The following MARCHF1 variants were observed in gnomAD, a reference collection of about 807,000 sequenced individuals.
MARCHF1 encodes E3 ubiquitin-protein ligase MARCHF1.
Under a neutral mutation model 54.2 loss-of-function variants are expected in MARCHF1, and 40 were observed. That is an observed-to-expected ratio of 0.74 (90% confidence interval 0.57 to 0.96). The LOEUF is 0.96. Ranked by LOEUF, MARCHF1 falls within the 40% of genes least tolerant of loss-of-function variation. The probability of loss-of-function intolerance (pLI) is 0.00; values close to 1 mark genes in which losing one functional copy is unlikely to be tolerated. For missense variants in MARCHF1, 586 were observed against 656.5 expected, an observed-to-expected ratio of 0.89 and a Z score of 1.17; for synonymous variants, 236 against 236.3, an observed-to-expected ratio of 1.00 and a Z score of 0.01.
intron 5 of MARCHF1, among the ~76,000 whole-genome samples, chr4:163,637,989 A>G (rs907067419): frequency 2.7e-5 from 4 of 150,556 alleles, no homozygotes; most frequent in African/African-American, 9.8e-5. Context: ...AACTATCGCA[A>G]GAACAAAAAA....
intron 1 of MARCHF1, among the ~76,000 whole-genome samples, chr4:164,113,117 C>T (rs1001445307): frequency 6.6e-6 from 1 of 151,802 alleles, no homozygotes; most frequent in Non-Finnish European, 1.5e-5. Context: ...TAACTTGGAA[C>T]ATTCTCTATT....
intron 1 of MARCHF1, among the ~76,000 whole-genome samples, chr4:164,348,647 T>C (rs1045772575): frequency 2.6e-5 from 4 of 152,090 alleles, no homozygotes; most frequent in Non-Finnish European, 5.9e-5. Flanking sequence ...CATTTCTAAA[T>C]AGAAATAAAA....
intron 1 of MARCHF1, among the ~76,000 whole-genome samples, chr4:164,306,636 C>T (rs1344657471): frequency 6.6e-6 from 1 of 152,024 alleles, no homozygotes; most frequent in Non-Finnish European, 1.5e-5. Context: ...GCGAGATATT[C>T]CTTCTAAAAC....
intron 4 of MARCHF1, among the ~76,000 whole-genome samples, chr4:163,751,936 C>T (rs1334798790): frequency 6.7e-6 from 1 of 150,194 alleles, no homozygotes; most frequent in Non-Finnish European, 1.5e-5. Context: ...ACTTGCCTTA[C>T]TGGATAGCGA....
At chr4:164,179,801 C>G (rs1730785947) in intron 1 of MARCHF1, among the ~76,000 whole-genome samples, 1 of 151,250 alleles carries the variant, frequency 6.6e-6, no homozygotes, top group South Asian at 2.1e-4. Context: ...TGCATAAAAA[C>G]AATTAGATGA....
intron 1 of MARCHF1, among the ~76,000 whole-genome samples, chr4:164,191,927 A>T (rs1371451896): frequency 1.3e-5 from 2 of 152,132 alleles, no homozygotes; most frequent in Non-Finnish European, 2.9e-5. Context: ...TGACTCAGGA[A>T]TTGCTTTTGG....
chr4:163,947,424 A>T (rs1468494708), intron 3 of MARCHF1, among the ~76,000 whole-genome samples: 1 of 152,168 alleles, frequency 6.6e-6, no homozygotes, highest in Non-Finnish European at 1.5e-5. Flanking sequence ...ATGAAGTTAA[A>T]GATCTTGAGA....
At chr4:163,545,846 A>G in intron 8 of MARCHF1, 103 bp from the exon 9 acceptor site, 1 of 928,802 alleles carries the variant, frequency 1.1e-6, no homozygotes, top group African/African-American at 1.6e-5. Flanking sequence ...AAAACAGTAA[A>G]TATCTGCAAT....
At chr4:164,011,614 C>G (rs542895076) in intron 2 of MARCHF1, among the ~76,000 whole-genome samples, 1 of 152,106 alleles carries the variant, frequency 6.6e-6, no homozygotes, top group Non-Finnish European at 1.5e-5. Context: ...ATCAAAGAAA[C>G]AGTTAATAAC....
chr4:163,837,602 A>C (rs1357394875), intron 4 of MARCHF1, among the ~76,000 whole-genome samples: 2 of 152,110 alleles, frequency 1.3e-5, no homozygotes, highest in African/African-American at 4.8e-5. Flanking sequence ...TATAATGATA[A>C]AACAGTCAAT....
intron 1 of MARCHF1, among the ~76,000 whole-genome samples, chr4:164,200,499 G>T (rs1731423236): frequency 6.6e-6 from 1 of 152,010 alleles, no homozygotes; most frequent in African/African-American, 2.4e-5. Context: ...ATTTTTCAGG[G>T]TACAGTCCTA....
At chr4:164,165,362 G>GTCTCTCTCTCTCTCTCTCTCTCTC (rs55721102) in intron 1 of MARCHF1, among the ~76,000 whole-genome samples, 16 of 148,640 alleles carry the variant, frequency 1.1e-4, no homozygotes, top group African/African-American at 3.7e-4. Context: ...TTTTCTCTCT[G>GTCTCTCTCTCTCTCTCTCTCTCTC]TCTCTCTCTC....
chr4:164,322,903 A>G (rs778078376), intron 1 of MARCHF1, among the ~76,000 whole-genome samples: 7 of 151,984 alleles, frequency 4.6e-5, no homozygotes, highest in Non-Finnish European at 7.4e-5. Context: ...ACTTGAAGAT[A>G]CCTAAATATG....
chr4:163,866,436 G>A (rs1407730962), intron 3 of MARCHF1, among the ~76,000 whole-genome samples: 3 of 114,230 alleles, frequency 2.6e-5, no homozygotes, highest in South Asian at 5.6e-4. Context: ...AGACTATATG[G>A]AATTACGTGT....
intron 4 of MARCHF1, among the ~76,000 whole-genome samples, chr4:163,834,830 C>T (rs1003179323): frequency 1.3e-5 from 2 of 151,980 alleles, no homozygotes; most frequent in South Asian, 4.2e-4. Flanking sequence ...AGTGCAGCTT[C>T]CTGGTTGACC....
intron 1 of MARCHF1, among the ~76,000 whole-genome samples, chr4:164,367,408 A>G (rs1170645756): frequency 6.6e-6 from 1 of 152,168 alleles, no homozygotes; most frequent in South Asian, 2.1e-4. Flanking sequence ...ATTATCAAAA[A>G]TCACTTGAAC....
chr4:163,850,080 C>A (rs983021186), intron 4 of MARCHF1, among the ~76,000 whole-genome samples: 2 of 152,182 alleles, frequency 1.3e-5, no homozygotes, highest in Non-Finnish European at 2.9e-5. Context: ...TCTTGTTTAT[C>A]CTGTTTCTGT....
chr4:163,566,829 A>T (rs1739660445), intron 8 of MARCHF1, among the ~76,000 whole-genome samples: 1 of 152,234 alleles, frequency 6.6e-6, no homozygotes, highest in African/African-American at 2.4e-5. Flanking sequence ...CGCTAAAGAA[A>T]GAATCATGGA....
At chr4:163,544,319 A>G (rs1738819534) in intron 9 of MARCHF1, among the ~76,000 whole-genome samples, 1 of 152,260 alleles carries the variant, frequency 6.6e-6, no homozygotes, top group Non-Finnish European at 1.5e-5. Flanking sequence ...AAATGAGTTA[A>G]TATGGAATAA....
Sources: allele counts gnomAD v4.1 joint callset (sites outside exome capture counted in the v4.1 genomes callset), GRCh38; gene constraint gnomAD v4.1.1; transcripts MANE v1.5; gene names NCBI Gene and HGNC (gene_info 2026-07-23, HGNC 2026-07-21).